Variants in THSD7A observed in about 807,000 individuals in gnomAD.
The protein encoded by THSD7A is thrombospondin type 1 domain containing 7A.
THSD7A carries 96 observed loss-of-function variants against 231.3 expected under a neutral mutation model. The observed-to-expected ratio is 0.41, with a 90% CI of 0.35 to 0.49. The LOEUF (loss-of-function observed/expected upper bound fraction) is 0.49, where lower values mean the gene tolerates loss of function less well. THSD7A is among the 20% of genes least tolerant of loss of function. The probability of loss-of-function intolerance (pLI) is 0.05; values close to 1 mark genes in which losing one functional copy is unlikely to be tolerated. For synonymous variants in THSD7A, 940 were observed against 743.3 expected, an observed-to-expected ratio of 1.26 and a Z score of -4.30; for missense variants, 2,290 against 2,070.2, an observed-to-expected ratio of 1.11 and a Z score of -2.06.
At chr7:11,393,245 C>A (rs1583660101) in intron 23 of THSD7A, among the ~76,000 whole-genome samples, 1 of 152,162 alleles carries the variant, frequency 6.6e-6, no homozygotes, top group Non-Finnish European at 1.5e-5. Flanking sequence ...TCCAGGCAAA[C>A]AGGGTCTGGA....
chr7:11,662,632 G>A (rs112180008), intron 1 of THSD7A, among the ~76,000 whole-genome samples: 30 of 151,384 alleles, frequency 2.0e-4, no homozygotes, highest in Non-Finnish European at 2.8e-4. Context: ...TTTTGAATGC[G>A]CATAAAACAT....
At chr7:11,441,083 A>T (rs560771887) in intron 13 of THSD7A, among the ~76,000 whole-genome samples, 1 of 152,050 alleles carries the variant, frequency 6.6e-6, no homozygotes, top group South Asian at 2.1e-4. Context: ...GAAAAAAATC[A>T]TTCTCTCCAG....
chr7:11,517,078 ATTATT>A (rs1164170684), intron 6 of THSD7A, among the ~76,000 whole-genome samples: 1 of 152,084 alleles, frequency 6.6e-6, no homozygotes. Flanking sequence ...CTTCCATATC[ATTATT>A]TTATTTTATT....
intron 1 of THSD7A, among the ~76,000 whole-genome samples, chr7:11,708,104 T>A (rs1780829827): frequency 6.6e-6 from 1 of 150,700 alleles, no homozygotes; most frequent in Non-Finnish European, 1.5e-5. Flanking sequence ...GCGTTATTAA[T>A]CTTCAAAATA....
intron 4 of THSD7A, among the ~76,000 whole-genome samples, chr7:11,570,710 T>C (rs991957302): frequency 1.3e-5 from 2 of 152,198 alleles, no homozygotes; most frequent in African/African-American, 2.4e-5. Flanking sequence ...ATCCTTTTAA[T>C]TGGACACAAA....
chr7:11,593,566 G>A (rs2354954), intron 2 of THSD7A, 64 bp from the exon 3 acceptor site: 563,600 of 1,557,968 alleles, frequency 0.36, 105,178 homozygotes, highest in East Asian at 0.54. Flanking sequence ...TGTCTTCTAC[G>A]CTCAAGAGTG....
At chr7:11,378,471 G>C (rs187117615) in intron 26 of THSD7A, among the ~76,000 whole-genome samples, 1 of 152,298 alleles carries the variant, frequency 6.6e-6, no homozygotes, top group East Asian at 1.9e-4. Context: ...TACATTAAGA[G>C]CTGTCTGTGA....
chr7:11,727,042 A>G (rs1309274498), intron 1 of THSD7A, among the ~76,000 whole-genome samples: 1 of 151,982 alleles, frequency 6.6e-6, no homozygotes, highest in Non-Finnish European at 1.5e-5. Context: ...CTTCACAGGC[A>G]TCCAAATTAC....
At chr7:11,732,194 G>A (rs9691407) in intron 1 of THSD7A, among the ~76,000 whole-genome samples, 110,822 of 151,548 alleles carry the variant, frequency 0.73, 40,584 homozygotes, top group South Asian at 0.79. Context: ...AAATGAACAC[G>A]TATTTTTATT....
chr7:11,552,401 G>A (rs879798324), intron 4 of THSD7A, among the ~76,000 whole-genome samples: 17 of 151,926 alleles, frequency 1.1e-4, no homozygotes, highest in Non-Finnish European at 2.4e-4. Flanking sequence ...CTTTTACTTC[G>A]TGGCCGTTTT....
At chr7:11,508,372 C>T (rs1787647362) in intron 6 of THSD7A, among the ~76,000 whole-genome samples, 1 of 152,044 alleles carries the variant, frequency 6.6e-6, no homozygotes, top group South Asian at 2.1e-4. Flanking sequence ...CAATGAGATA[C>T]CACTTCATAC....
intron 1 of THSD7A, among the ~76,000 whole-genome samples, chr7:11,721,050 A>G (rs1391599470): frequency 6.6e-6 from 1 of 151,818 alleles, no homozygotes; most frequent in Non-Finnish European, 1.5e-5. Context: ...TATGCCTCTC[A>G]GGTTTCTGAT....
chr7:11,469,004 T>C (rs1444878259), intron 9 of THSD7A, among the ~76,000 whole-genome samples: 1 of 152,134 alleles, frequency 6.6e-6, no homozygotes, highest in Non-Finnish European at 1.5e-5. Context: ...ATTAAATGTA[T>C]AATACCTAAA....
intron 1 of THSD7A, among the ~76,000 whole-genome samples, chr7:11,683,083 T>C (rs943766864): frequency 6.8e-6 from 1 of 147,714 alleles, no homozygotes; most frequent in Non-Finnish European, 1.5e-5. Context: ...ATCATGCTAC[T>C]GCACTTCAGC....
At chr7:11,790,600 C>A (rs940791838) in intron 1 of THSD7A, among the ~76,000 whole-genome samples, 1 of 151,856 alleles carries the variant, frequency 6.6e-6, no homozygotes, top group Admixed American at 6.6e-5. Flanking sequence ...AAAAATGTTT[C>A]TTAAATTTTT....
chr7:11,540,084 T>C (rs1461300930), intron 6 of THSD7A, among the ~76,000 whole-genome samples: 1 of 151,792 alleles, frequency 6.6e-6, no homozygotes, highest in Non-Finnish European at 1.5e-5. Flanking sequence ...CTCTGAGTGT[T>C]ACTTCCTCCT....
intron 1 of THSD7A, among the ~76,000 whole-genome samples, chr7:11,735,475 C>T (rs947108494): frequency 1.3e-5 from 2 of 151,922 alleles, no homozygotes; most frequent in Admixed American, 6.6e-5. Flanking sequence ...AAATTACCTT[C>T]AGGCTATGTG....
At chr7:11,648,329 T>C (rs574181702) in intron 1 of THSD7A, among the ~76,000 whole-genome samples, 30 of 152,154 alleles carry the variant, frequency 2.0e-4, no homozygotes, top group African/African-American at 5.5e-4. Flanking sequence ...TTTATTTTTT[T>C]AGCTGGTATT....
intron 23 of THSD7A, among the ~76,000 whole-genome samples, chr7:11,390,114 T>C: frequency 6.6e-6 from 1 of 152,102 alleles, no homozygotes; most frequent in Non-Finnish European, 1.5e-5. Flanking sequence ...TCTCAAGGAG[T>C]ATCTTTGTGG....
Sources: allele counts gnomAD v4.1 joint callset (sites outside exome capture counted in the v4.1 genomes callset), GRCh38; gene constraint gnomAD v4.1.1; transcripts MANE v1.5; gene names NCBI Gene and HGNC (gene_info 2026-07-23, HGNC 2026-07-21).